MPPED2: variants seen among roughly 807,000 people sequenced by gnomAD.
MPPED2 encodes metallophosphoesterase MPPED2.
Under a neutral mutation model 33.0 loss-of-function variants are expected in MPPED2, and 5 were observed. That is an observed-to-expected ratio of 0.15 (90% CI 0.08 to 0.32). The LOEUF (loss-of-function observed/expected upper bound fraction) is 0.32, where lower values mean the gene tolerates loss of function less well. Among genes scored for constraint, MPPED2 ranks in the 10% least tolerant of loss-of-function variants. The pLI is 1.00. For synonymous variants in MPPED2, 136 were observed against 141.9 expected, an observed-to-expected ratio of 0.96 and a Z score of 0.29; for missense variants, 275 against 372.1, an observed-to-expected ratio of 0.74 and a Z score of 2.15.
intron 3 of MPPED2, among the ~76,000 whole-genome samples, chr11:30,529,326 A>G (rs1426594255): frequency 6.6e-6 from 1 of 152,240 alleles, no homozygotes; most frequent in Non-Finnish European, 1.5e-5. Context: ...GGAGGAATGT[A>G]TATTTTATAC....
chr11:30,490,808 AT>A (rs1951943413), intron 4 of MPPED2, among the ~76,000 whole-genome samples: 1 of 152,218 alleles, frequency 6.6e-6, no homozygotes, highest in Non-Finnish European at 1.5e-5. Context: ...AGTTATCAAC[AT>A]GTAACAAATA....
At chr11:30,546,337 C>A (rs7940806) in intron 2 of MPPED2, among the ~76,000 whole-genome samples, 21 of 151,910 alleles carry the variant, frequency 1.4e-4, no homozygotes, top group Non-Finnish European at 2.9e-4. Context: ...ATCAAACACA[C>A]GAGCTTGTTT....
intron 1 of MPPED2, among the ~76,000 whole-genome samples, chr11:30,583,134 C>CCTTTTTTTTTT (rs1957251645): frequency 1.0e-5 from 1 of 96,712 alleles, no homozygotes; most frequent in African/African-American, 4.8e-5. Context: ...AAGACTTTTT[C>CCTTTTTTTTTT]TTTTTTTTTT....
chr11:30,467,626 T>C (rs1010380472), intron 4 of MPPED2, among the ~76,000 whole-genome samples: 8 of 152,048 alleles, frequency 5.3e-5, no homozygotes, highest in Non-Finnish European at 1.2e-4. Flanking sequence ...GAACCCCCAT[T>C]ACAAGTGCGA....
chr11:30,425,668 T>A (rs1948803462), intron 4 of MPPED2: 1 of 152,178 alleles, frequency 6.6e-6, no homozygotes, highest in African/African-American at 2.4e-5. Flanking sequence ...GCTCTTTGTT[T>A]TGCTGCTGCA....
At position 30,536,787 on chromosome 11, in the gene MPPED2, T is replaced by TA. The variant is rs1188669312; in HGVS notation, c.129-613dup. On this transcript the variant is annotated intron_variant, in intron 2 of 6. Coordinates refer to ENST00000358117, the MANE Select transcript of MPPED2 (RefSeq NM_001584.3). ...GCCAAAATAACAGAGCTTTAAAAATTAAAAAAAAAAAAAGACACTGGATGT... is the reference window on the plus strand; with the variant it reads ...GCCAAAATAACAGAGCTTTAAAAATTAAAAAAAAAAAAAAGACACTGGATGT... Among the ~76,000 whole-genome samples the TA allele has an allele frequency of 9.6e-3, 1,363 of 141,264 alleles. 14 individuals are homozygous for TA. Among genetic ancestry groups the TA allele is most frequent in the African/African-American group, 0.028 (1,104 of 38,860 alleles). 92.7% of individuals were successfully genotyped at this position (141,264 alleles called of 152,430 possible).
At chr11:30,398,336 ACT>A (rs373091894) in intron 6 of MPPED2, among the ~76,000 whole-genome samples, 4 of 152,098 alleles carry the variant, frequency 2.6e-5, no homozygotes, top group African/African-American at 9.6e-5. Flanking sequence ...TCTGACCCAA[ACT>A]CTACCTACCC....
chr11:30,406,230 T>A (rs1355082989), downstream of MPPED2, among the ~76,000 whole-genome samples: 1 of 152,190 alleles, frequency 6.6e-6, no homozygotes, highest in Non-Finnish European at 1.5e-5. Context: ...CTTCACAGAT[T>A]GGCAGCTGGT....
chr11:30,425,965 G>A (rs1948819904), intron 4 of MPPED2, among the ~76,000 whole-genome samples: 1 of 151,982 alleles, frequency 6.6e-6, no homozygotes, highest in Non-Finnish European at 1.5e-5. Context: ...TTTTTATTGT[G>A]GTAAAATATA....
intron 2 of MPPED2, among the ~76,000 whole-genome samples, chr11:30,560,022 A>G (rs1956167196): frequency 6.6e-6 from 1 of 152,222 alleles, no homozygotes; most frequent in Non-Finnish European, 1.5e-5. Flanking sequence ...GTTATAGGTT[A>G]TCTAAGAACT....
intron 4 of MPPED2, among the ~76,000 whole-genome samples, chr11:30,438,511 G>T (rs17399322): frequency 0.011 from 1,658 of 152,336 alleles, 17 homozygotes; most frequent in Non-Finnish European, 0.016. Flanking sequence ...ACAAGATAAT[G>T]GGGTGAGACA....
chr11:30,515,913 GA>G (rs1000747132), intron 3 of MPPED2, among the ~76,000 whole-genome samples: 171 of 152,274 alleles, frequency 1.1e-3, no homozygotes, highest in African/African-American at 4.0e-3. Context: ...TGACTCTAAA[GA>G]GTTAAAATAA....
At chr11:30,410,052 C>A, downstream of MPPED2, 1 of 960,586 alleles carries the variant, frequency 1.0e-6, no homozygotes, top group Non-Finnish European at 1.2e-6. Context: ...CCTTATCGAT[C>A]TATCTGCCAG....
intron 6 of MPPED2, among the ~76,000 whole-genome samples, chr11:30,403,113 G>A (rs1306621131): frequency 6.6e-6 from 1 of 152,150 alleles, no homozygotes; most frequent in Non-Finnish European, 1.5e-5. Context: ...CGGGCATGGT[G>A]GCGGGCAGCT....
At chr11:30,473,937 T>A (rs1187937619) in intron 4 of MPPED2, among the ~76,000 whole-genome samples, 1 of 152,200 alleles carries the variant, frequency 6.6e-6, no homozygotes, top group Non-Finnish European at 1.5e-5. Context: ...TCCACCCAAG[T>A]CATGCCTTGA....
intron 4 of MPPED2, among the ~76,000 whole-genome samples, chr11:30,493,080 A>C (rs1263053459): frequency 2.6e-5 from 4 of 152,204 alleles, no homozygotes; most frequent in Non-Finnish European, 5.9e-5. Flanking sequence ...CCCACTCACC[A>C]GTCCTTCTGG....
At chr11:30,584,909 G>C (rs1957389139) in intron 1 of MPPED2, 1 of 152,156 alleles carries the variant, frequency 6.6e-6, no homozygotes, top group African/African-American at 2.4e-5. Context: ...CCACCCCCCC[G>C]ACCTGTTTGT....
chr11:30,526,133 A>T (rs962961789), intron 3 of MPPED2, among the ~76,000 whole-genome samples: 5 of 152,214 alleles, frequency 3.3e-5, no homozygotes, highest in African/African-American at 1.2e-4. Context: ...AAAATTATTC[A>T]ATGTAAAGAA....
intron 4 of MPPED2, among the ~76,000 whole-genome samples, chr11:30,453,040 T>C (rs566659159): frequency 2.8e-4 from 42 of 152,316 alleles, no homozygotes; most frequent in Admixed American, 2.4e-3. Context: ...AAATGAGTTA[T>C]GTGCAGTGAG....
Sources: allele counts gnomAD v4.1 joint callset (sites outside exome capture counted in the v4.1 genomes callset), GRCh38; gene constraint gnomAD v4.1.1; transcripts MANE v1.5; gene names NCBI Gene and HGNC (gene_info 2026-07-23, HGNC 2026-07-21).